The following SLC35F3 variants were observed in gnomAD, a reference collection of about 807,000 sequenced individuals.
SLC35F3 encodes solute carrier family 35 member F3.
A neutral mutation model predicts 49.9 loss-of-function variants in SLC35F3; 25 were observed. That is an observed-to-expected ratio of 0.50 (90% CI 0.37 to 0.70). The LOEUF (loss-of-function observed/expected upper bound fraction) is 0.70, where lower values mean the gene tolerates loss of function less well. Among genes scored for constraint, SLC35F3 ranks in the 30% least tolerant of loss-of-function variants. The pLI is 0.00. For synonymous variants in SLC35F3, 275 were observed against 265.4 expected, an observed-to-expected ratio of 1.04 and a Z score of -0.35; for missense variants, 525 against 639.8, an observed-to-expected ratio of 0.82 and a Z score of 1.94.
intron 2 of SLC35F3, among the ~76,000 whole-genome samples, chr1:233,908,441 G>T (rs1661810892): frequency 6.6e-6 from 1 of 151,336 alleles, no homozygotes; most frequent in South Asian, 2.1e-4. Context: ...TGAGGTAATT[G>T]TGAACAGTAC....
intron 2 of SLC35F3, among the ~76,000 whole-genome samples, chr1:234,137,987 G>A (rs1292957351): frequency 6.6e-6 from 1 of 151,684 alleles, no homozygotes; most frequent in Non-Finnish European, 1.5e-5. Flanking sequence ...GTAAAGAATG[G>A]AAGAGAGAGA....
intron 2 of SLC35F3, among the ~76,000 whole-genome samples, chr1:233,912,367 T>A (rs1042533765): frequency 2.0e-5 from 3 of 151,878 alleles, no homozygotes; most frequent in Non-Finnish European, 4.4e-5. Flanking sequence ...AATCCCAGCT[T>A]CTCGGGAGGC....
Position 234,318,762 on chromosome 1 carries a change from G to C in SLC35F3, c.966G>C (p.Lys322Asn). The change falls in exon 6 of 8, where the codon AAG (lysine) becomes AAC (asparagine). Residue 322 changes from lysine (K) to asparagine (N), a missense_variant. Lys to Asn is a moderately conservative substitution (Grantham distance 94). This residue lies in a region of SLC35F3 where 216 missense variants were observed against 298.1 expected (regional missense o/e 0.72). Transcript: ENST00000366618. ...SMSALYKVLF[K>N]LLLGSAKFGE... The stretch of plus-strand genomic sequence containing the variant: ...GCTTTCTCCTACAGGTTTTGTTCAA[G>C]CTCCTCCTGGGCAGTGCTAAGTTTG... The C allele has an allele frequency of 6.2e-7, 1 of 1,613,774 alleles. No individual in the cohort carries two copies. Among genetic ancestry groups the C allele is most frequent in the Non-Finnish European group, 8.5e-7 (1 of 1,179,854 alleles).
intron 4 of SLC35F3, among the ~76,000 whole-genome samples, chr1:234,309,958 C>T (rs1657306107): frequency 6.6e-6 from 1 of 152,180 alleles, no homozygotes; most frequent in Non-Finnish European, 1.5e-5. Flanking sequence ...CAGTCAATTA[C>T]ATTAGAAGCT....
chr1:234,040,468 A>G (rs940057612), intron 2 of SLC35F3, among the ~76,000 whole-genome samples: 1 of 152,074 alleles, frequency 6.6e-6, no homozygotes, highest in Non-Finnish European at 1.5e-5. Context: ...TTCACCAGGG[A>G]CCCGCCCCTG....
rs537365679 is a variant in SLC35F3 at position 234,102,785 on chromosome 1, C to T, written c.284-128632C>T. 5.3e-5 allele frequency among the ~76,000 whole-genome samples: 8 copies of T among 152,266 alleles called. No individual in the cohort carries two copies. The South Asian group carries it at 1.0e-3, about 20-fold the overall frequency. ...CCCAAGCAGCTGCCGGCTTTCCACGCGAAGATTCCAAACCACAGCCGCTAA... is the reference window on the plus strand; with the variant it reads ...CCCAAGCAGCTGCCGGCTTTCCACGTGAAGATTCCAAACCACAGCCGCTAA... On this transcript the variant is annotated intron_variant, in intron 2 of 7. Coordinates refer to ENST00000366618, the MANE Select transcript of SLC35F3 (RefSeq NM_173508.4).
At chr1:233,920,821 G>A (rs1444502287) in intron 2 of SLC35F3, among the ~76,000 whole-genome samples, 2 of 152,234 alleles carry the variant, frequency 1.3e-5, no homozygotes, top group Non-Finnish European at 2.9e-5. Context: ...TTTAAGAGTT[G>A]AGGGCAGCCT....
chr1:234,036,701 G>C (rs1377034152), intron 2 of SLC35F3, among the ~76,000 whole-genome samples: 1 of 152,236 alleles, frequency 6.6e-6, no homozygotes, highest in South Asian at 2.1e-4. Context: ...AATAGAGGAA[G>C]CTGGAGGGTA....
intron 2 of SLC35F3, among the ~76,000 whole-genome samples, chr1:234,138,306 C>T (rs1048797508): frequency 1.3e-5 from 2 of 152,126 alleles, no homozygotes; most frequent in Non-Finnish European, 2.9e-5. Flanking sequence ...ACATTACTTT[C>T]CCTTTCAATG....
chr1:233,961,217 C>G (rs751749291), intron 2 of SLC35F3, among the ~76,000 whole-genome samples: 1 of 152,160 alleles, frequency 6.6e-6, no homozygotes, highest in Admixed American at 6.5e-5. Context: ...AATGCTCGAA[C>G]AGGTGGGGAT....
Position 234,027,754 on chromosome 1 carries a change from T to G in SLC35F3, c.283+121996T>G, listed in dbSNP as rs1572024609. The stretch of plus-strand genomic sequence containing the variant: ...CCTGTATTCCTTCATTTAGTAAAAA[T>G]TCACTGGGAGCCTGCGCCAGTTTAG... On this transcript the variant is annotated intron_variant, in intron 2 of 7. Transcript: ENST00000366618. This position sits in a 1 kb window ranked among gnomAD's most constrained non-coding sequence, Gnocchi z 4.1. 6.6e-6 allele frequency among the ~76,000 whole-genome samples: 1 copy of G among 152,236 alleles called. No homozygotes were observed. Among genetic ancestry groups the G allele is most frequent in the Admixed American group, 6.5e-5 (1 of 15,288 alleles).
intron 2 of SLC35F3, among the ~76,000 whole-genome samples, chr1:234,154,484 C>T (rs1041584456): frequency 3.3e-5 from 5 of 152,146 alleles, no homozygotes; most frequent in African/African-American, 1.2e-4. Flanking sequence ...ACCAACCCTT[C>T]TTGGAGAAAC....
chr1:233,993,825 G>A (rs1472607320), intron 2 of SLC35F3, among the ~76,000 whole-genome samples: 2 of 152,162 alleles, frequency 1.3e-5, no homozygotes, highest in Non-Finnish European at 2.9e-5. Flanking sequence ...CCTGGGGAAC[G>A]ATTAATGGCT....
intron 3 of SLC35F3, among the ~76,000 whole-genome samples, chr1:234,279,051 C>T (rs1419390761): frequency 6.6e-6 from 1 of 152,140 alleles, no homozygotes; most frequent in Non-Finnish European, 1.5e-5. Context: ...CCGAGCACAG[C>T]TTGGTTTTAT....
chr1:233,936,691 T>C (rs1662339241), intron 2 of SLC35F3, among the ~76,000 whole-genome samples: 1 of 151,930 alleles, frequency 6.6e-6, no homozygotes, highest in African/African-American at 2.4e-5. Flanking sequence ...CATCTCCTTC[T>C]CCTTCTTCTT....
chr1:234,139,128 A>T (rs1360652751), intron 2 of SLC35F3, among the ~76,000 whole-genome samples: 2 of 152,232 alleles, frequency 1.3e-5, no homozygotes, highest in East Asian at 1.9e-4. Context: ...ACTGAGGAAG[A>T]CAACCTCTTT....
At chr1:234,071,958 A>G (rs1465776640) in intron 2 of SLC35F3, among the ~76,000 whole-genome samples, 2 of 152,236 alleles carry the variant, frequency 1.3e-5, no homozygotes, top group East Asian at 3.8e-4. Flanking sequence ...TGGACAGAAA[A>G]AGGAATCAGG....
rs373360775 is a variant in SLC35F3, at chr1:234,141,583, T to C, written c.284-89834T>C. 2.0e-5 allele frequency among the ~76,000 whole-genome samples: 3 copies of C among 152,332 alleles called. No individual in the cohort carries two copies. In the East Asian group the frequency reaches 5.8e-4, roughly 29 times the overall value. On this transcript the variant is annotated intron_variant, in intron 2 of 7. Transcript: ENST00000366618. ...TTTGTGCTAAGAACACTTAGTCTGA[T>C]ATCTATCCTCCTAACGGTGGCTTTA...
At chr1:234,152,957 T>C (rs71638490) in intron 2 of SLC35F3, among the ~76,000 whole-genome samples, 2 of 152,238 alleles carry the variant, frequency 1.3e-5, no homozygotes, top group Non-Finnish European at 2.9e-5. Flanking sequence ...GTGGCTTTGA[T>C]TTGCATTTCT....
Sources: allele counts gnomAD v4.1 joint callset (sites outside exome capture counted in the v4.1 genomes callset), GRCh38; gene constraint gnomAD v4.1.1; regional missense constraint gnomAD v4.1.1; non-coding constraint Gnocchi (gnomAD v3.1); transcripts MANE v1.5; gene names NCBI Gene and HGNC (gene_info 2026-07-23, HGNC 2026-07-21).